PGBD5: variants seen among roughly 807,000 people sequenced by gnomAD.
PGBD5 encodes piggyBac transposable element derived 5.
PGBD5 carries 14 observed loss-of-function variants against 47.9 expected under a neutral mutation model. That is an observed-to-expected ratio of 0.29 (90% CI 0.19 to 0.46). The LOEUF is 0.46. Among genes scored for constraint, PGBD5 ranks in the 20% least tolerant of loss-of-function variants. The pLI, the probability that PGBD5 is intolerant of heterozygous loss-of-function variation, is 1.00. For synonymous variants in PGBD5, 316 were observed against 306.3 expected (o/e 1.03, Z -0.33); for missense variants, 635 against 716.0 (o/e 0.89, Z 1.29).
intron 6 of PGBD5, 26 bp downstream of exon 6, chr1:230,325,284 T>A: frequency 6.5e-7 from 1 of 1,531,590 alleles, no homozygotes; most frequent in Non-Finnish European, 9.0e-7. Flanking sequence ...AGAGCCCTTC[T>A]GTCATGGAGG....
chr1:230,337,309 G>T (rs1005651824), intron 3 of PGBD5, 21 bp from the exon 4 acceptor site: 12 of 1,586,776 alleles, frequency 7.6e-6, no homozygotes, highest in African/African-American at 2.7e-5. Flanking sequence ...AACACACAGA[G>T]GTTAGCGTGC....
At chr1:230,405,339 C>T (rs2102744852) in intron 1 of PGBD5, among the ~76,000 whole-genome samples, 1 of 152,308 alleles carries the variant, frequency 6.6e-6, no homozygotes, top group Non-Finnish European at 1.5e-5. Flanking sequence ...AATCCCTCCT[C>T]ATCCTTCTCT....
chr1:230,423,018 T>C (rs1483265852), intron 1 of PGBD5, among the ~76,000 whole-genome samples: 1 of 146,756 alleles, frequency 6.8e-6, no homozygotes, highest in African/African-American at 2.5e-5. Context: ...GTTATCTTTC[T>C]GATTAAAAAA....
chr1:230,338,214 C>A (rs1667355973), intron 3 of PGBD5, among the ~76,000 whole-genome samples: 1 of 152,224 alleles, frequency 6.6e-6, no homozygotes, highest in African/African-American at 2.4e-5. Flanking sequence ...TGCTGCAGCA[C>A]AAATGACCAC....
At chr1:230,382,147 A>T (rs1656517172) in intron 1 of PGBD5, among the ~76,000 whole-genome samples, 1 of 152,230 alleles carries the variant, frequency 6.6e-6, no homozygotes, top group Non-Finnish European at 1.5e-5. Context: ...TTCCTAGGCC[A>T]GCAGGAGCCC....
At position 230,352,530 on chromosome 1, in the gene PGBD5, G is replaced by A. The variant is rs182738627; in HGVS notation, c.760-1438C>T. Reference sequence around the variant, plus strand: ...AATGCAAATTGAATGCAAGGTTACCGTGCATTCAATTTTCGAAAAGTGACA... The same window carrying A: ...AATGCAAATTGAATGCAAGGTTACCATGCATTCAATTTTCGAAAAGTGACA... On this transcript the variant is annotated intron_variant, in intron 2 of 6. Transcript: ENST00000391860. Among the ~76,000 whole-genome samples, 122 of 152,176 alleles carry A rather than the reference G, an allele frequency of 8.0e-4. 5 individuals carry two copies. The highest frequency in any genetic ancestry group is 7.5e-3 in the Admixed American group (115 of 15,286).
chr1:230,369,191 T>C (rs149806722), intron 1 of PGBD5, among the ~76,000 whole-genome samples: 1 of 152,320 alleles, frequency 6.6e-6, no homozygotes, highest in East Asian at 1.9e-4. Flanking sequence ...ACCCAGAACG[T>C]GGATGTGGAG....
intron 1 of PGBD5, among the ~76,000 whole-genome samples, chr1:230,376,350 C>T (rs1166178006): frequency 6.6e-6 from 1 of 152,142 alleles, no homozygotes; most frequent in African/African-American, 2.4e-5. Context: ...TGTATCCAAG[C>T]TCCAGAGTTC....
intron 5 of PGBD5, among the ~76,000 whole-genome samples, chr1:230,327,946 T>G (rs972931341): frequency 2.0e-5 from 3 of 152,262 alleles, no homozygotes; most frequent in Non-Finnish European, 4.4e-5. Flanking sequence ...CAACCTTCTC[T>G]GGGTCACAGG....
intron 3 of PGBD5, among the ~76,000 whole-genome samples, chr1:230,338,528 G>A (rs918553448): frequency 9.2e-5 from 14 of 152,226 alleles, no homozygotes; most frequent in African/African-American, 2.7e-4. Context: ...GGCCAGGCAC[G>A]GTGGCTCACG....
At chr1:230,401,063 C>T (rs1054676401) in intron 1 of PGBD5, among the ~76,000 whole-genome samples, 6 of 152,250 alleles carry the variant, frequency 3.9e-5, no homozygotes, top group African/African-American at 1.4e-4. Flanking sequence ...TCCTTGTCCC[C>T]TTCCTCATTC....
At chr1:230,403,546 C>T (rs1421432582) in intron 1 of PGBD5, among the ~76,000 whole-genome samples, 1 of 152,202 alleles carries the variant, frequency 6.6e-6, no homozygotes, top group Non-Finnish European at 1.5e-5. Flanking sequence ...AGCCAAAGGC[C>T]TCAGGGGAGG....
At chr1:230,401,868 G>A (rs951433104) in intron 1 of PGBD5, among the ~76,000 whole-genome samples, 1 of 152,188 alleles carries the variant, frequency 6.6e-6, no homozygotes, top group Non-Finnish European at 1.5e-5. Flanking sequence ...AAGAGCAAAC[G>A]GGGCTGACAT....
chr1:230,354,833 G>A lies in PGBD5; in HGVS notation c.759+2061C>T, dbSNP rs1188020078. ...ATCCTCACTACCACGTAGGGGCACC[G>A]AGTAGAAAACGTAGCAAGAAGAAAA... On this transcript the variant is annotated intron_variant, in intron 2 of 6. Transcript: ENST00000391860. Among the ~76,000 whole-genome samples the A allele has an allele frequency of 4.6e-5, 7 of 152,290 alleles. No homozygotes were observed. The East Asian group carries it at 7.7e-4, about 17-fold the overall frequency.
At chr1:230,378,765 G>C (rs994803817) in intron 1 of PGBD5, among the ~76,000 whole-genome samples, 1 of 152,198 alleles carries the variant, frequency 6.6e-6, no homozygotes, top group Non-Finnish European at 1.5e-5. Flanking sequence ...AATGGGCAAA[G>C]ACCATAATGT....
At chr1:230,364,433 C>T (rs1395935537) in intron 1 of PGBD5, among the ~76,000 whole-genome samples, 1 of 152,246 alleles carries the variant, frequency 6.6e-6, no homozygotes, top group Non-Finnish European at 1.5e-5. Context: ...GCTAACCATT[C>T]CGTACAGCCC....
rs773465169 is a variant in PGBD5 at position 230,325,336 on chromosome 1, G to A, written c.1353C>T (p.Ile451=). The A allele has an allele frequency of 9.9e-6, 16 of 1,613,548 alleles. No individual in the cohort carries two copies. The highest frequency in any genetic ancestry group is 1.2e-5 in the Non-Finnish European group (14 of 1,179,776). Reference sequence around the variant, plus strand: ...TGCTGTATTTGTCATCGTATCTGCAGATGTAGCTCAGGTGAGCGGCAAACG... The same window carrying A: ...TGCTGTATTTGTCATCGTATCTGCAAATGTAGCTCAGGTGAGCGGCAAACG... The part of the protein sequence containing the change: ...VEAFAAHLSY[I]CRYDDKYSKY... Residue 451 remains isoleucine (I), a synonymous_variant, in exon 6 of 7, where the codon ATC becomes ATT. Transcript: ENST00000391860.
chr1:230,341,887 T>C (rs1667412144), intron 3 of PGBD5, among the ~76,000 whole-genome samples: 1 of 152,214 alleles, frequency 6.6e-6, no homozygotes, highest in Non-Finnish European at 1.5e-5. Context: ...TTTTTGCTCC[T>C]ATGATTTTTA....
chr1:230,355,517 G>T (rs1667623747), intron 2 of PGBD5, among the ~76,000 whole-genome samples: 1 of 152,200 alleles, frequency 6.6e-6, no homozygotes, highest in African/African-American at 2.4e-5. Context: ...TTTCAACCAA[G>T]CAAGTATTTA....
Sources: allele counts gnomAD v4.1 joint callset (sites outside exome capture counted in the v4.1 genomes callset), GRCh38; gene constraint gnomAD v4.1.1; transcripts MANE v1.5; gene names NCBI Gene and HGNC (gene_info 2026-07-23, HGNC 2026-07-21).